CLINT1: variants seen among roughly 807,000 people sequenced by gnomAD.
CLINT1 encodes the protein clathrin interacting protein localized in the trans-Golgi region.
CLINT1 carries 15 observed loss-of-function variants against 70.4 expected under a neutral mutation model. The observed-to-expected ratio is 0.21, with a 90% CI of 0.14 to 0.33. CLINT1 has a LOEUF of 0.33. Ranked by LOEUF, CLINT1 falls within the 10% of genes least tolerant of loss-of-function variation. CLINT1 has a pLI of 1.00. For synonymous variants in CLINT1, 227 were observed against 254.7 expected (o/e 0.89, Z 1.04); for missense variants, 615 against 778.1 (o/e 0.79, Z 2.49).
chr5:157,843,649 C>T (rs1163777345), intron 1 of CLINT1, among the ~76,000 whole-genome samples: 1 of 152,158 alleles, frequency 6.6e-6, no homozygotes, highest in African/African-American at 2.4e-5. Flanking sequence ...CTGTGGCACA[C>T]TCACAACCAG....
At chr5:157,792,313 C>T (rs1014044348) in intron 9 of CLINT1, among the ~76,000 whole-genome samples, 3 of 152,126 alleles carry the variant, frequency 2.0e-5, no homozygotes, top group African/African-American at 4.8e-5. Flanking sequence ...TTTGGGAGGC[C>T]GAGACAGGTG....
chr5:157,854,309 C>T (rs1365620920), intron 1 of CLINT1, among the ~76,000 whole-genome samples: 4 of 152,164 alleles, frequency 2.6e-5, no homozygotes, highest in African/African-American at 7.2e-5. Context: ...CTAGACCAGG[C>T]GCAATGGCTC....
rs73310972 is a variant in CLINT1, at chr5:157,809,574, G to A, written c.695+54C>T. On this transcript the variant is annotated intron_variant, in intron 6 of 11. Transcript: ENST00000411809. The stretch of plus-strand genomic sequence containing the variant: ...ACCAACAAAAAACCAAAAACCCAGT[G>A]GCATAAATTTAGGGCTCTTTCTAAG... The A allele has an allele frequency of 5.6e-3, 8,157 of 1,465,242 alleles. 218 individuals are homozygous for A. In the African/African-American group the frequency reaches 0.077, roughly 14 times the overall value. The allele number at this position is 1,465,242 out of a possible 1,614,324, so 90.8% of individuals were successfully genotyped here. A position where few individuals can be genotyped will look rare whatever the true frequency, so the allele number is the denominator to read the frequency against.
chr5:157,790,198 T>C (rs997328433), intron 10 of CLINT1: 7 of 162,632 alleles, frequency 4.3e-5, no homozygotes, highest in Non-Finnish European at 8.0e-5. Context: ...GAGACTCTGT[T>C]TCAAAACAAC....
intron 1 of CLINT1, among the ~76,000 whole-genome samples, chr5:157,830,058 C>T (rs185388213): frequency 6.6e-6 from 1 of 152,242 alleles, no homozygotes; most frequent in Non-Finnish European, 1.5e-5. Context: ...AAGCGATCCT[C>T]TCACATCAGC....
intron 1 of CLINT1, among the ~76,000 whole-genome samples, chr5:157,849,738 C>T (rs965746614): frequency 1.3e-5 from 2 of 152,114 alleles, no homozygotes; most frequent in African/African-American, 4.8e-5. Flanking sequence ...AATGTTGTCA[C>T]CTTTGTTCTT....
chr5:157,849,261 C>A (rs1425246172), intron 1 of CLINT1, among the ~76,000 whole-genome samples: 1 of 152,208 alleles, frequency 6.6e-6, no homozygotes, highest in African/African-American at 2.4e-5. Flanking sequence ...AATCCCACAA[C>A]CCTGATAAGT....
At position 157,813,112 on chromosome 5, in the gene CLINT1, T is replaced by G; in HGVS notation, c.468A>C (p.Lys156Asn). ...CTGAGGAAACCCCAACATACTTGTC[T>G]TTGTTCTTCTTTGCTTTCTTTCGCT... The part of the protein sequence containing the change: ...REERKKAKKN[K>N]DKYVGVSSDS... The change falls in exon 5 of 12, where the codon AAA becomes AAC. Residue 156 changes from lysine to asparagine, a missense_variant. Physicochemically the swap from Lys to Asn is moderately conservative, Grantham distance 94 (BLOSUM62 0). Transcript: ENST00000411809. 1 of 1,613,962 alleles carries G rather than the reference T, an allele frequency of 6.2e-7. No homozygotes were observed. Among genetic ancestry groups the G allele is most frequent in the African/African-American group, 1.3e-5 (1 of 75,050 alleles).
chr5:157,788,267 T>C (rs1761788094), intron 11 of CLINT1, among the ~76,000 whole-genome samples: 1 of 152,160 alleles, frequency 6.6e-6, no homozygotes, highest in South Asian at 2.1e-4. Flanking sequence ...AAACCTATTG[T>C]TAAATCCTAC....
chr5:157,832,463 C>A (rs183377855), intron 1 of CLINT1, among the ~76,000 whole-genome samples: 1 of 152,236 alleles, frequency 6.6e-6, no homozygotes, highest in Admixed American at 6.5e-5. Flanking sequence ...CTTTGGGGAA[C>A]TATTTGTTTG....
rs920185779 is a variant in CLINT1 at position 157,786,056 on chromosome 5, T to C, written c.*1590A>G. ...TTACCACTTAGCTGAAGTACATGAA[T>C]TTCTGCCTAATTAGAAATGTTGTAG... On this transcript the variant is annotated 3_prime_UTR_variant, in exon 12 of 12. Coordinates refer to ENST00000411809, the MANE Select transcript of CLINT1 (RefSeq NM_014666.4). The C allele has an allele frequency of 1.8e-4, 27 of 152,212 alleles. No individual in the cohort carries two copies. Among genetic ancestry groups the C allele is most frequent in the African/African-American group, 6.0e-4 (25 of 41,458 alleles). 9.4% of individuals were successfully genotyped at this position (152,212 alleles called of 1,614,324 possible).
intron 1 of CLINT1, among the ~76,000 whole-genome samples, chr5:157,829,325 T>C (rs538889585): frequency 6.6e-6 from 1 of 152,320 alleles, no homozygotes; most frequent in Admixed American, 6.5e-5. Flanking sequence ...CTTCCAAGAT[T>C]TTCATTTTTA....
At chr5:157,811,836 T>C (rs1302036022) in intron 5 of CLINT1, among the ~76,000 whole-genome samples, 1 of 152,196 alleles carries the variant, frequency 6.6e-6, no homozygotes, top group Non-Finnish European at 1.5e-5. Flanking sequence ...CACATTAAGT[T>C]GCTACAACTA....
intron 1 of CLINT1, among the ~76,000 whole-genome samples, chr5:157,840,541 A>G (rs1753137083): frequency 6.7e-6 from 1 of 149,902 alleles, no homozygotes; most frequent in Non-Finnish European, 1.5e-5. Context: ...GATGTATATA[A>G]TCTACTTTCA....
chr5:157,829,079 G>A (rs923112746), intron 1 of CLINT1, among the ~76,000 whole-genome samples: 2 of 151,988 alleles, frequency 1.3e-5, no homozygotes, highest in African/African-American at 4.8e-5. Flanking sequence ...TCCAGCCTGG[G>A]CATGGAAGCG....
chr5:157,791,129 G>A (rs1193501887), intron 10 of CLINT1, among the ~76,000 whole-genome samples: 1 of 152,058 alleles, frequency 6.6e-6, no homozygotes, highest in Non-Finnish European at 1.5e-5. Context: ...CGCGATCTCA[G>A]CTCACTGCAA....
intron 10 of CLINT1, chr5:157,789,829 C>A: frequency 2.2e-6 from 1 of 446,302 alleles, no homozygotes; most frequent in South Asian, 2.5e-5. Flanking sequence ...CCATCCCTGG[C>A]AAATGCCCAG....
intron 1 of CLINT1, among the ~76,000 whole-genome samples, chr5:157,830,747 CCTCTCTCTCCCTCTCTCTCT>C (rs1217053727): frequency 2.2e-5 from 2 of 91,296 alleles, no homozygotes; most frequent in African/African-American, 4.1e-5. Flanking sequence ...CCTGCCCCTC[CCTCTCTCTCCCTCTCTCTCT>C]CTCTCTCTCT....
chr5:157,837,748 A>G (rs2113288356), intron 1 of CLINT1, among the ~76,000 whole-genome samples: 1 of 150,358 alleles, frequency 6.7e-6, no homozygotes, highest in East Asian at 2.0e-4. Context: ...GGTTCAAGCG[A>G]TTCTCCTGCC....
Sources: allele counts gnomAD v4.1 joint callset (sites outside exome capture counted in the v4.1 genomes callset), GRCh38; gene constraint gnomAD v4.1.1; transcripts MANE v1.5; gene names NCBI Gene and HGNC (gene_info 2026-07-23, HGNC 2026-07-21).